UNC13B: variants seen among roughly 807,000 people sequenced by gnomAD.
UNC13B encodes unc-13 homolog B.
A neutral mutation model predicts 211.0 loss-of-function variants in UNC13B; 144 were observed. That is an observed-to-expected ratio of 0.68 (90% confidence interval 0.60 to 0.78). The LOEUF (loss-of-function observed/expected upper bound fraction) is 0.78, where lower values mean the gene tolerates loss of function less well. Among genes scored for constraint, UNC13B ranks in the 30% least tolerant of loss-of-function variants. The pLI is 0.00. For missense variants in UNC13B, 1,777 were observed against 2,002.0 expected (o/e 0.89, Z 2.14); for synonymous variants, 709 against 725.8 (o/e 0.98, Z 0.37).
rs202163094 is a variant in UNC13B, at chr9:35,380,505, G to A, written c.10241G>A (p.Arg3414His). 11 of 1,614,186 alleles carry A rather than the reference G, an allele frequency of 6.8e-6. No individual in the cohort carries two copies. Among genetic ancestry groups the A allele is most frequent in the African/African-American group, 5.3e-5 (4 of 75,044 alleles). Residue 3414 changes from arginine (R) to histidine (H), a missense_variant, in exon 18 of 40, where the codon CGT (arginine) becomes CAT (histidine). Arg to His is a conservative substitution (Grantham distance 29). Transcript: ENST00000635942. ...AACTCCTCTGACCGCATTAAGGTGCGTGTATGGGATGAGGATGATGACATC... is the reference window on the plus strand; with the variant it reads ...AACTCCTCTGACCGCATTAAGGTGCATGTATGGGATGAGGATGATGACATC... ...CHNSSDRIKV[R>H]VWDEDDDIKS... is the part of the protein sequence containing the mutation.
intron 1 of UNC13B, among the ~76,000 whole-genome samples, chr9:35,184,811 G>C (rs1386427518): frequency 4.6e-5 from 4 of 87,520 alleles, no homozygotes; most frequent in South Asian, 5.6e-4. Flanking sequence ...CGGGGGGGGG[G>C]GGGGAGAGAG....
intron 1 of UNC13B, among the ~76,000 whole-genome samples, chr9:35,224,208 G>A (rs930573052): frequency 2.0e-5 from 3 of 151,918 alleles, no homozygotes; most frequent in Non-Finnish European, 4.4e-5. Flanking sequence ...ATTTTGATAG[G>A]GATTGCATTT....
At chr9:35,402,181 G>A (rs1221805820) in intron 37 of UNC13B, among the ~76,000 whole-genome samples, 1 of 151,962 alleles carries the variant, frequency 6.6e-6, no homozygotes, top group East Asian at 1.9e-4. Flanking sequence ...GGGTTCTGTT[G>A]TTGATCTCTG....
intron 5 of UNC13B, among the ~76,000 whole-genome samples, chr9:35,240,783 T>TGGG (rs1825762064): frequency 6.6e-6 from 1 of 152,076 alleles, no homozygotes; most frequent in African/African-American, 2.4e-5. Context: ...GGGCCTGGCA[T>TGGG]GGTGGCTCAC....
intron 11 of UNC13B, chr9:35,362,101 G>A (rs1232769913): frequency 6.6e-6 from 1 of 152,212 alleles, no homozygotes; most frequent in Non-Finnish European, 1.5e-5. Flanking sequence ...TTGGAGAGGA[G>A]CAAGTCTAGT....
rs144029086 is a variant in UNC13B at position 35,401,112 on chromosome 9, C to G, written c.12484+669C>G. On this transcript the variant is annotated intron_variant, in intron 37 of 39. Transcript: ENST00000635942. ...TGTAGCTCAGGTTGAAATTCTGACG[C>G]TGGAGCAGAGCCCTCCCAGGAGGCA... is the stretch of plus-strand genomic sequence containing the variant. 2.5e-3 allele frequency among the ~76,000 whole-genome samples: 386 copies of G among 152,302 alleles called. 2 individuals carry two copies. The highest frequency in any genetic ancestry group is 4.1e-3 in the Non-Finnish European group (281 of 68,036).
chr9:35,404,312 G>T lies in UNC13B; in HGVS notation c.*279G>T, dbSNP rs1245273758. 2 of 467,424 alleles carry T rather than the reference G, an allele frequency of 4.3e-6. No individual in the cohort carries two copies. Among genetic ancestry groups the T allele is most frequent in the Admixed American group, 6.9e-5 (2 of 28,922 alleles). 29.0% of individuals were successfully genotyped at this position (467,424 alleles called of 1,614,324 possible). ...GAGAAGGACAAACATTTCTGAGAGT[G>T]TCAGCCATTCTTGGTAGACACCTCT... On this transcript the variant is annotated 3_prime_UTR_variant, in exon 40 of 40. Transcript: ENST00000635942.
chr9:35,262,567 C>T (rs12350361), intron 7 of UNC13B, among the ~76,000 whole-genome samples: 3,950 of 152,094 alleles, frequency 0.026, 173 homozygotes, highest in African/African-American at 0.088. Context: ...ATCCGCCCAC[C>T]TCAGCCTCCA....
chr9:35,385,884 T>C (rs1835156901), intron 23 of UNC13B, 71 bp downstream of exon 23: 5 of 1,552,218 alleles, frequency 3.2e-6, no homozygotes. Flanking sequence ...AGAATGAGAA[T>C]CATTGGGCAG....
intron 26 of UNC13B, 34 bp downstream of exon 26, chr9:35,390,748 C>A (rs1181044992): frequency 1.9e-5 from 30 of 1,587,906 alleles, no homozygotes; most frequent in Non-Finnish European, 2.6e-5. Flanking sequence ...GGCTGCCAGG[C>A]TCCTAGCCCA....
chr9:35,360,073 C>T (rs1402296302), intron 11 of UNC13B, among the ~76,000 whole-genome samples: 8 of 152,174 alleles, frequency 5.3e-5, no homozygotes, highest in Non-Finnish European at 4.4e-5. Flanking sequence ...TATGTTCTTC[C>T]GAAAATACTT....
intron 6 of UNC13B, among the ~76,000 whole-genome samples, chr9:35,251,098 G>T (rs1044637393): frequency 6.6e-6 from 1 of 151,622 alleles, no homozygotes; most frequent in Non-Finnish European, 1.5e-5. Flanking sequence ...GAGTAGCTGG[G>T]ACTACTGGCA....
intron 39 of UNC13B, 74 bp from the exon 40 acceptor site, chr9:35,403,674 G>A: frequency 2.5e-6 from 4 of 1,594,106 alleles, no homozygotes; most frequent in Middle Eastern, 1.7e-4. Flanking sequence ...GGAGGGCCCG[G>A]GGGGATGGCA....
chr9:35,184,529 G>A (rs77476653), intron 1 of UNC13B, among the ~76,000 whole-genome samples: 1 of 152,280 alleles, frequency 6.6e-6, no homozygotes, highest in East Asian at 1.9e-4. Flanking sequence ...TCAACAGGGC[G>A]AAACCCCGTC....
intron 7 of UNC13B, among the ~76,000 whole-genome samples, chr9:35,283,345 G>A (rs1447557281): frequency 6.6e-6 from 1 of 152,024 alleles, no homozygotes; most frequent in Non-Finnish European, 1.5e-5. Flanking sequence ...TTCTATAAGT[G>A]GAATCATTGG....
At chr9:35,210,960 C>T (rs1346790405) in intron 1 of UNC13B, among the ~76,000 whole-genome samples, 1 of 152,064 alleles carries the variant, frequency 6.6e-6, no homozygotes, top group African/African-American at 2.4e-5. Context: ...TGTACTAACT[C>T]CTGGGCTCAA....
At position 35,297,547 on chromosome 9, in the gene UNC13B, C is replaced by CTTTTTTTTT. The variant is rs774525517; in HGVS notation, c.761+1629_761+1637dup. Among the ~76,000 whole-genome samples, 28 of 100,854 alleles carry CTTTTTTTTT rather than the reference C, an allele frequency of 2.8e-4. 4 individuals carry two copies. The highest frequency in any genetic ancestry group is 1.1e-3 in the African/African-American group (28 of 24,428). The allele number at this position is 100,854 out of a possible 152,430, so 66.2% of individuals were successfully genotyped here. On this transcript the variant is annotated intron_variant, in intron 8 of 39. Coordinates refer to ENST00000635942, the MANE Select transcript of UNC13B (RefSeq NM_001371189.2). Reference sequence around the variant, plus strand: ...TGCATTCAGGAAGCACATACTTTGTCTTTTTTTTTTTTTTTTTTTTGAGAC... The same window carrying CTTTTTTTTT: ...TGCATTCAGGAAGCACATACTTTGTCTTTTTTTTTTTTTTTTTTTTTTTTTTTTTGAGAC...
intron 11 of UNC13B, chr9:35,352,954 G>T: frequency 1.6e-6 from 2 of 1,232,194 alleles, no homozygotes; most frequent in Non-Finnish European, 2.0e-6. Flanking sequence ...GCCTGTCATT[G>T]TCTGGGTTAC....
chr9:35,210,818 C>T (rs577391878), intron 1 of UNC13B, among the ~76,000 whole-genome samples: 4 of 152,302 alleles, frequency 2.6e-5, no homozygotes, highest in African/African-American at 9.6e-5. Flanking sequence ...GCCACTGCAT[C>T]TGGCCTATAA....
Sources: gnomAD v4.1 joint callset for allele counts (sites outside exome capture counted in the v4.1 genomes callset) on GRCh38, gnomAD v4.1.1 for gene constraint, MANE v1.5 for transcripts, NCBI Gene and HGNC (gene_info 2026-07-23, HGNC 2026-07-21) for gene names.